CLSTN2: variants seen among roughly 807,000 people sequenced by gnomAD.
The protein encoded by CLSTN2 is calsyntenin 2, also known as calsyntenin-2.
A neutral mutation model predicts 101.2 loss-of-function variants in CLSTN2; 48 were observed. The observed-to-expected ratio is 0.47, with a 90% CI of 0.38 to 0.60. The LOEUF is 0.60. CLSTN2 is among the 20% of genes least tolerant of loss of function. The pLI is 0.00. For missense variants in CLSTN2, 1,160 were observed against 1,238.2 expected (o/e 0.94, Z 0.95); for synonymous variants, 481 against 463.6 (o/e 1.04, Z -0.48).
At chr3:140,139,442 G>A (rs1177381349) in intron 1 of CLSTN2, among the ~76,000 whole-genome samples, 1 of 152,182 alleles carries the variant, frequency 6.6e-6, no homozygotes. Context: ...CATTGCAGGT[G>A]AATCCACATG....
In CLSTN2 at chr3:140,316,487, C is replaced by T. The variant is rs140091635; in HGVS notation, c.233-87142C>T. 1.5e-3 allele frequency among the ~76,000 whole-genome samples: 235 copies of T among 152,262 alleles called. 1 individual carries two copies. Among genetic ancestry groups the T allele is most frequent in the African/African-American group, 5.6e-3 (233 of 41,550 alleles). On this transcript the variant is annotated intron_variant, in intron 2 of 16. Transcript: ENST00000458420. Reference sequence around the variant, plus strand: ...TCTTGCAATTATTTCATTTCTTTTCCATGAAGCTCCTTCTTCTGCTACCCT... The same window carrying T: ...TCTTGCAATTATTTCATTTCTTTTCTATGAAGCTCCTTCTTCTGCTACCCT...
chr3:140,365,171 A>G (rs1330250768), intron 2 of CLSTN2, among the ~76,000 whole-genome samples: 2 of 152,168 alleles, frequency 1.3e-5, no homozygotes, highest in Non-Finnish European at 2.9e-5. Context: ...TAGGGAGAGC[A>G]AGGAAATTGC....
At chr3:139,978,660 G>C (rs1935863190) in intron 1 of CLSTN2, among the ~76,000 whole-genome samples, 1 of 56,720 alleles carries the variant, frequency 1.8e-5, no homozygotes, top group African/African-American at 4.7e-5. Context: ...GTGTGTGTGT[G>C]TGTGTGTGTG....
chr3:140,568,802 G>T lies in CLSTN2; in HGVS notation c.*2549G>T, dbSNP rs1985415474. ...TGCCTTATTCATAGTTGAGAGAGCTGTTAGGTAAAATCTTTATATGTGTTG... is the reference window on the plus strand; with the variant it reads ...TGCCTTATTCATAGTTGAGAGAGCTTTTAGGTAAAATCTTTATATGTGTTG... On this transcript the variant is annotated 3_prime_UTR_variant, in exon 17 of 17. Coordinates refer to ENST00000458420, the MANE Select transcript of CLSTN2 (RefSeq NM_022131.3). 3 of 152,062 alleles carry T rather than the reference G, an allele frequency of 2.0e-5. No individual in the cohort carries two copies. Among genetic ancestry groups the T allele is most frequent in the Admixed American group, 6.5e-5 (1 of 15,278 alleles). 9.4% of individuals were successfully genotyped at this position (152,062 alleles called of 1,614,324 possible).
chr3:140,455,753 G>T (rs529720126), intron 6 of CLSTN2, among the ~76,000 whole-genome samples: 1 of 152,290 alleles, frequency 6.6e-6, no homozygotes, highest in East Asian at 1.9e-4. Flanking sequence ...GGGATCCCTG[G>T]GGAGAAGAGA....
chr3:140,415,486 C>CAA (rs751616049), intron 4 of CLSTN2, among the ~76,000 whole-genome samples: 720 of 56,810 alleles, frequency 0.013, 17 homozygotes, highest in African/African-American at 0.043. Flanking sequence ...CACAAAATAG[C>CAA]AAAAAAAAAA....
intron 8 of CLSTN2, among the ~76,000 whole-genome samples, chr3:140,467,828 T>C (rs766623617): frequency 6.6e-6 from 1 of 152,066 alleles, no homozygotes; most frequent in Non-Finnish European, 1.5e-5. Flanking sequence ...AGAGTGTTAC[T>C]AGGAAGTATT....
Position 140,562,231 on chromosome 3 carries a change from G to A in CLSTN2, c.2135G>A (p.Cys712Tyr), listed in dbSNP as rs373226298. ...IGGDLDPRQECLELNHSELHQ... is the reference protein window; with the variant it reads ...IGGDLDPRQEYLELNHSELHQ... ...GGGGACTTGGACCCAAGGCAGGAGTGCTTGGAGCTCAACCACAGTGAGCTC... is the reference window on the plus strand; with the variant it reads ...GGGGACTTGGACCCAAGGCAGGAGTACTTGGAGCTCAACCACAGTGAGCTC... The change falls in exon 13 of 17, where the codon TGC (cysteine) becomes TAC (tyrosine). Residue 712 changes from cysteine to tyrosine, a missense_variant. Coordinates refer to ENST00000458420, the MANE Select transcript of CLSTN2 (RefSeq NM_022131.3). 7 of 1,613,772 alleles carry A rather than the reference G, an allele frequency of 4.3e-6. No individual in the cohort carries two copies. The African/African-American group carries it at 6.7e-5, about 15-fold the overall frequency.
At chr3:139,977,542 C>T (rs1272826450) in intron 1 of CLSTN2, among the ~76,000 whole-genome samples, 1 of 152,228 alleles carries the variant, frequency 6.6e-6, no homozygotes, top group Non-Finnish European at 1.5e-5. Context: ...TCATGAATGT[C>T]TCAGGAACCT....
chr3:140,323,743 C>T (rs2087305711), intron 2 of CLSTN2, among the ~76,000 whole-genome samples: 1 of 152,200 alleles, frequency 6.6e-6, no homozygotes, highest in Non-Finnish European at 1.5e-5. Context: ...CTGCAATTAA[C>T]AAAGTCTGAC....
rs73867160 is a variant in CLSTN2 at position 140,418,355 on chromosome 3, A to G, written c.638-2770A>G. ...AAGGGATTCCGAACACCAGCCACTA[A>G]GCTAGAAACACATCAAACACGTTTT... On this transcript the variant is annotated intron_variant, in intron 4 of 16. Transcript: ENST00000458420. Among the ~76,000 whole-genome samples the G allele has an allele frequency of 3.7e-3, 560 of 152,280 alleles. 2 individuals carry two copies. Among genetic ancestry groups the G allele is most frequent in the African/African-American group, 0.012 (499 of 41,554 alleles).
At chr3:140,427,527 T>C (rs374160528) in intron 5 of CLSTN2, among the ~76,000 whole-genome samples, 21 of 152,140 alleles carry the variant, frequency 1.4e-4, no homozygotes, top group African/African-American at 5.1e-4. Flanking sequence ...TCACATCTGA[T>C]GCTTAGGAGA....
chr3:139,998,855 A>T (rs921572310), intron 1 of CLSTN2, among the ~76,000 whole-genome samples: 1 of 152,148 alleles, frequency 6.6e-6, no homozygotes. Flanking sequence ...TTTCTGGCTT[A>T]TATTCTAGTC....
At chr3:140,370,675 T>C (rs1173199024) in intron 2 of CLSTN2, among the ~76,000 whole-genome samples, 1 of 152,082 alleles carries the variant, frequency 6.6e-6, no homozygotes, top group African/African-American at 2.4e-5. Context: ...GATTAGAGCT[T>C]AAGTGGGAAA....
intron 8 of CLSTN2, chr3:140,506,282 G>A (rs1014631969): frequency 6.6e-6 from 1 of 152,360 alleles, no homozygotes; most frequent in Non-Finnish European, 1.5e-5. Context: ...AAGAAGCAGG[G>A]AAAGCCATGT....
At chr3:140,317,130 T>C (rs918862599) in intron 2 of CLSTN2, among the ~76,000 whole-genome samples, 1 of 152,230 alleles carries the variant, frequency 6.6e-6, no homozygotes, top group African/African-American at 2.4e-5. Flanking sequence ...AATGCTTCTT[T>C]ATAATGATGC....
intron 1 of CLSTN2, among the ~76,000 whole-genome samples, chr3:140,003,237 G>A (rs2006885643): frequency 6.6e-6 from 1 of 151,914 alleles, no homozygotes; most frequent in African/African-American, 2.4e-5. Context: ...CAATTTCTGT[G>A]TTTTACAGTT....
At chr3:140,065,317 T>C (rs76356839) in intron 1 of CLSTN2, among the ~76,000 whole-genome samples, 3,684 of 152,330 alleles carry the variant, frequency 0.024, 133 homozygotes, top group African/African-American at 0.082. Context: ...CCCTGCCTTC[T>C]GGGCCCTGCG....
intron 1 of CLSTN2, among the ~76,000 whole-genome samples, chr3:140,113,295 A>T (rs1347728250): frequency 6.6e-6 from 1 of 152,170 alleles, no homozygotes; most frequent in Non-Finnish European, 1.5e-5. Context: ...TGCTCCCCAA[A>T]GGTCTGCAGA....
Sources: gnomAD v4.1 joint callset for allele counts (sites outside exome capture counted in the v4.1 genomes callset) on GRCh38, gnomAD v4.1.1 for gene constraint, MANE v1.5 for transcripts, NCBI Gene and HGNC (gene_info 2026-07-23, HGNC 2026-07-21) for gene names.